The following RNFT2 variants were observed in gnomAD, a reference collection of about 807,000 sequenced individuals.
RNFT2 encodes ring finger protein, transmembrane 2, also known as E3 ubiquitin-protein ligase RNFT2.
Under a neutral mutation model 53.0 loss-of-function variants are expected in RNFT2, and 36 were observed. The ratio of observed to expected loss-of-function variants is 0.68; its 90% CI spans 0.52 to 0.90. RNFT2 has a LOEUF of 0.90. Ranked by LOEUF, RNFT2 falls within the 40% of genes least tolerant of loss-of-function variation. RNFT2 has a pLI of 0.00. For synonymous variants in RNFT2, 260 were observed against 253.2 expected, an observed-to-expected ratio of 1.03 and a Z score of -0.26; for missense variants, 514 against 585.6, an observed-to-expected ratio of 0.88 and a Z score of 1.26.
At chr12:116,819,467 C>A (rs1031204480) in intron 7 of RNFT2, among the ~76,000 whole-genome samples, 3 of 152,076 alleles carry the variant, frequency 2.0e-5, no homozygotes, top group African/African-American at 7.2e-5. Context: ...TCATGAGATG[C>A]CGGCGCTCGC....
chr12:116,830,636 C>T (rs554548555), intron 7 of RNFT2, among the ~76,000 whole-genome samples: 7 of 152,150 alleles, frequency 4.6e-5, no homozygotes, highest in South Asian at 2.1e-4. Context: ...TGGGCGCGGT[C>T]GCTCACACCT....
chr12:116,834,840 A>G (rs1350651607), intron 8 of RNFT2, among the ~76,000 whole-genome samples: 1 of 145,034 alleles, frequency 6.9e-6, no homozygotes, highest in Admixed American at 6.9e-5. Context: ...GGTACATACT[A>G]TTATTACTCC....
chr12:116,806,381 A>T (rs9737621), intron 7 of RNFT2, among the ~76,000 whole-genome samples: 5,577 of 132,982 alleles, frequency 0.042, 130 homozygotes, highest in East Asian at 0.091. Flanking sequence ...AAAAAAAAAA[A>T]ATATATATAT....
rs745735140 is a variant in RNFT2 at position 116,766,853 on chromosome 12, T to C, written c.667T>C (p.Phe223Leu). ...GCTGGTCATCTTGTGGATCCTGGCC[T>C]TTCTGGCGGGGAACACCCTCTATGT... ...SVLVILWILA[F>L]LAGNTLYVLY... is the part of the protein sequence containing the mutation. The change falls in exon 6 of 11, where the codon TTT becomes CTT. Residue 223 changes from phenylalanine to leucine, a missense_variant. Physicochemically the swap from Phe to Leu is conservative, Grantham distance 22. Coordinates refer to ENST00000257575, the MANE Select transcript of RNFT2 (RefSeq NM_001382266.1). 2 of 1,599,108 alleles carry C rather than the reference T, an allele frequency of 1.3e-6. No homozygotes were observed. The highest frequency in any genetic ancestry group is 1.7e-5 in the Admixed American group (1 of 57,734).
intron 7 of RNFT2, among the ~76,000 whole-genome samples, chr12:116,779,743 A>T (rs1873604857): frequency 6.6e-6 from 1 of 152,170 alleles, no homozygotes; most frequent in African/African-American, 2.4e-5. Context: ...CATTTTATAG[A>T]GGGGACTGAG....
intron 7 of RNFT2, among the ~76,000 whole-genome samples, chr12:116,789,769 T>C (rs1287275489): frequency 3.7e-5 from 5 of 136,948 alleles, no homozygotes; most frequent in Admixed American, 2.9e-4. Context: ...GGAGAGTGGA[T>C]GGATGGATGG....
chr12:116,827,310 A>G (rs1876395127), intron 7 of RNFT2, among the ~76,000 whole-genome samples: 1 of 152,220 alleles, frequency 6.6e-6, no homozygotes, highest in Non-Finnish European at 1.5e-5. Context: ...TTCAATTAAA[A>G]AGTCAGGGAA....
At chr12:116,784,926 T>G (rs548560179) in intron 7 of RNFT2, among the ~76,000 whole-genome samples, 1 of 152,292 alleles carries the variant, frequency 6.6e-6, no homozygotes, top group South Asian at 2.1e-4. Flanking sequence ...TGTCCTCTCC[T>G]ATCACTTCCC....
At chr12:116,839,444 G>A (rs1381452005) in intron 10 of RNFT2, among the ~76,000 whole-genome samples, 1 of 151,264 alleles carries the variant, frequency 6.6e-6, no homozygotes, top group African/African-American at 2.4e-5. Context: ...TGGATGGATG[G>A]ATGGATGGAT....
rs371911298 is a variant in RNFT2 at position 116,829,291 on chromosome 12, AT to A, written c.883-4500del. ...TCCAGCATCCATCATGCCCTTGTCC[AT>A]GTAAAACAAACATGACGGCCACCCC... is the stretch of plus-strand genomic sequence containing the variant. On this transcript the variant is annotated intron_variant, in intron 7 of 10. Transcript: ENST00000257575. 1.7e-4 allele frequency among the ~76,000 whole-genome samples: 26 copies of A among 152,290 alleles called. No homozygotes were observed. In the East Asian group the frequency reaches 4.1e-3, roughly 24 times the overall value.
intron 6 of RNFT2, among the ~76,000 whole-genome samples, chr12:116,774,934 AAGAGAGAG>A (rs113761307): frequency 2.2e-4 from 33 of 147,932 alleles, no homozygotes; most frequent in Admixed American, 1.2e-3. Context: ...GGTGCACAGA[AAGAGAGAG>A]AGAGAGAGAG....
At position 116,787,959 on chromosome 12, in the gene RNFT2, CT is replaced by C. The variant is rs577937939; in HGVS notation, c.882+8612del. On this transcript the variant is annotated intron_variant, in intron 7 of 10. Transcript: ENST00000257575. ...TTGTTTGTTTTGAGATGGAGTGTCG[CT>C]CTTGTTGCCCAGGCTGGAGTGCAAT... Among the ~76,000 whole-genome samples, 179 of 152,276 alleles carry C rather than the reference CT, an allele frequency of 1.2e-3. 2 individuals carry two copies. The highest frequency in any genetic ancestry group is 4.3e-3 in the African/African-American group (178 of 41,576).
intron 7 of RNFT2, among the ~76,000 whole-genome samples, chr12:116,803,039 G>A (rs889282335): frequency 1.3e-5 from 2 of 152,034 alleles, no homozygotes; most frequent in African/African-American, 4.8e-5. Flanking sequence ...AGGATGCAGT[G>A]AGCCGAGATC....
intron 5 of RNFT2, chr12:116,755,930 A>T: frequency 2.8e-6 from 3 of 1,054,462 alleles, no homozygotes; most frequent in Non-Finnish European, 4.3e-6. Context: ...ATATGTCCTT[A>T]TTTTTGTACC....
intron 7 of RNFT2, among the ~76,000 whole-genome samples, chr12:116,799,566 A>G (rs1447694600): frequency 6.6e-6 from 1 of 151,276 alleles, no homozygotes. Context: ...TGCAGTATTT[A>G]TAAGTTAGCT....
chr12:116,834,549 ACTCCCCATTCTTCCAAC>A (rs1257964353), intron 8 of RNFT2, among the ~76,000 whole-genome samples: 2 of 152,094 alleles, frequency 1.3e-5, no homozygotes, highest in Non-Finnish European at 2.9e-5. Context: ...TTAAGCAGTC[ACTCCCCATTCTTCCAAC>A]CTCCCCTTCC....
At chr12:116,752,420 A>G (rs528363873) in intron 4 of RNFT2, among the ~76,000 whole-genome samples, 1 of 151,986 alleles carries the variant, frequency 6.6e-6, no homozygotes, top group Non-Finnish European at 1.5e-5. Context: ...TGATCATTTT[A>G]TTTTTCACTT....
intron 7 of RNFT2, among the ~76,000 whole-genome samples, chr12:116,820,437 A>G (rs1202588869): frequency 6.6e-6 from 1 of 152,188 alleles, no homozygotes; most frequent in East Asian, 1.9e-4. Flanking sequence ...CCACATTTCA[A>G]GTGCTCCATA....
intron 7 of RNFT2, among the ~76,000 whole-genome samples, chr12:116,787,543 A>C (rs1449732899): frequency 1.3e-5 from 2 of 151,916 alleles, no homozygotes; most frequent in African/African-American, 4.8e-5. Flanking sequence ...CCATCTTTAT[A>C]ATAAAAATAA....
Sources: gnomAD v4.1 joint callset for allele counts (sites outside exome capture counted in the v4.1 genomes callset) on GRCh38, gnomAD v4.1.1 for gene constraint, MANE v1.5 for transcripts, NCBI Gene and HGNC (gene_info 2026-07-23, HGNC 2026-07-21) for gene names.